The following MTFR1 variants were observed in gnomAD, a reference collection of about 807,000 sequenced individuals.
MTFR1 encodes mitochondrial fission regulator 1.
Under a neutral mutation model 38.8 loss-of-function variants are expected in MTFR1, and 28 were observed. That is an observed-to-expected ratio of 0.72 (90% CI 0.53 to 0.99). MTFR1 has a LOEUF of 0.99. Ranked by LOEUF, MTFR1 falls within the 50% of genes least tolerant of loss-of-function variation. The probability of loss-of-function intolerance (pLI) is 0.00; values close to 1 mark genes in which losing one functional copy is unlikely to be tolerated. For synonymous variants in MTFR1, 145 were observed against 137.0 expected, an observed-to-expected ratio of 1.06 and a Z score of -0.41; for missense variants, 358 against 395.5, an observed-to-expected ratio of 0.91 and a Z score of 0.81.
intron 2 of MTFR1, among the ~76,000 whole-genome samples, chr8:65,716,726 T>TTA: frequency 6.6e-6 from 1 of 152,298 alleles, no homozygotes; most frequent in East Asian, 1.9e-4. Flanking sequence ...GTGAGCTTGG[T>TTA]TAATGTGGGT....
At chr8:65,764,109 G>A (rs967383350) in intron 3 of MTFR1, among the ~76,000 whole-genome samples, 1 of 152,156 alleles carries the variant, frequency 6.6e-6, no homozygotes, top group African/African-American at 2.4e-5. Flanking sequence ...GTACAGCAGT[G>A]CTAATCTCTA....
At chr8:65,719,063 T>G (rs1806264851) in intron 2 of MTFR1, 2 of 560,748 alleles carry the variant, frequency 3.6e-6, no homozygotes, top group Non-Finnish European at 6.4e-6. Context: ...CTTTGCATAT[T>G]CAAGGTTTCA....
intron 2 of MTFR1, among the ~76,000 whole-genome samples, chr8:65,681,412 AC>A (rs1409366948): frequency 1.3e-5 from 2 of 152,302 alleles, no homozygotes; most frequent in East Asian, 3.9e-4. Context: ...GAGCCGCCGC[AC>A]CTGGCCTTAC....
chr8:65,685,126 A>T (rs888944195), intron 3 of MTFR1, among the ~76,000 whole-genome samples: 2 of 152,248 alleles, frequency 1.3e-5, no homozygotes, highest in Non-Finnish European at 2.9e-5. Context: ...AAATGTATAC[A>T]GGAGGCAGTT....
chr8:65,655,951 A>AAAAAT (rs1554545336), intron 1 of MTFR1, among the ~76,000 whole-genome samples: 1 of 55,404 alleles, frequency 1.8e-5, no homozygotes, highest in African/African-American at 1.4e-4. Flanking sequence ...TAAAAAAAAA[A>AAAAAT]ATATATATAT....
At chr8:65,667,169 G>GGGAAGCTGAGGCA (rs1372801104) in intron 1 of MTFR1, among the ~76,000 whole-genome samples, 1 of 151,862 alleles carries the variant, frequency 6.6e-6, no homozygotes, top group African/African-American at 2.4e-5. Context: ...CCAGCCACTT[G>GGGAAGCTGAGGCA]GGAAGCTGAG....
At chr8:65,774,597 A>C (rs1809204209), downstream of MTFR1, among the ~76,000 whole-genome samples, 2 of 151,858 alleles carry the variant, frequency 1.3e-5, no homozygotes, top group East Asian at 3.9e-4. Context: ...TTACCACAGA[A>C]ATTAAGTATT....
chr8:65,711,371 A>ACTT (rs1207788771), downstream of MTFR1, among the ~76,000 whole-genome samples: 4 of 152,140 alleles, frequency 2.6e-5, no homozygotes, highest in Admixed American at 6.5e-5. Flanking sequence ...AGAAACAAAT[A>ACTT]CTTTGAAAAA....
In MTFR1 at chr8:65,701,398, C is replaced by T. The variant is rs1805609358; in HGVS notation, c.282-3296C>T. Among the ~76,000 whole-genome samples the T allele has an allele frequency of 2.0e-5, 3 of 152,138 alleles. No homozygotes were observed. The South Asian group carries it at 6.2e-4, about 31-fold the overall frequency. ...TGACATCATAGACATTGTCATCAAG[C>T]GTTTGATTGGTTCCAAAGTAGAAGA... On this transcript the variant is annotated intron_variant, in intron 4 of 7. Transcript: ENST00000262146.
intron 2 of MTFR1, among the ~76,000 whole-genome samples, chr8:65,670,398 A>C (rs1804535290): frequency 6.6e-6 from 1 of 152,222 alleles, no homozygotes; most frequent in Admixed American, 6.5e-5. Flanking sequence ...TAAACAACAC[A>C]GTTGTTTAAA....
At chr8:65,665,714 C>A (rs778230122) in intron 1 of MTFR1, among the ~76,000 whole-genome samples, 7 of 152,180 alleles carry the variant, frequency 4.6e-5, no homozygotes, top group Non-Finnish European at 1.0e-4. Flanking sequence ...ACTCTTAACT[C>A]CTGAGCTCAA....
chr8:65,723,617 A>C, intron 3 of MTFR1: 1 of 1,553,600 alleles, frequency 6.4e-7, no homozygotes, highest in Non-Finnish European at 8.7e-7. Context: ...TTTTTTCTAT[A>C]TCTCCTATAA....
the MTFR1 span, among the ~76,000 whole-genome samples, chr8:65,777,515 T>G: frequency 6.6e-6 from 1 of 152,242 alleles, no homozygotes; most frequent in Non-Finnish European, 1.5e-5. Context: ...GATAATATGT[T>G]ATTTAGGATG....
intron 3 of MTFR1, among the ~76,000 whole-genome samples, chr8:65,685,832 G>A (rs1433401153): frequency 2.6e-5 from 4 of 152,196 alleles, no homozygotes. Context: ...GAGAAGATCA[G>A]GAGTTCTCAG....
chr8:65,740,612 G>C (rs891479901), intron 3 of MTFR1, among the ~76,000 whole-genome samples: 3 of 152,094 alleles, frequency 2.0e-5, no homozygotes, highest in African/African-American at 7.2e-5. Flanking sequence ...TTGTTGGCCA[G>C]GCTGGTCTCG....
At chr8:65,645,458 T>C (rs1262143403) in intron 1 of MTFR1, among the ~76,000 whole-genome samples, 1 of 152,220 alleles carries the variant, frequency 6.6e-6, no homozygotes, top group Admixed American at 6.5e-5. Context: ...ACGAAGGATA[T>C]AAGGAATTCA....
At chr8:65,724,952 T>C (rs750511174) in intron 3 of MTFR1, 12 of 1,478,648 alleles carry the variant, frequency 8.1e-6, no homozygotes, top group Non-Finnish European at 1.1e-5. Context: ...AGAGAAAATA[T>C]AAGACTTTCA....
intron 1 of MTFR1, among the ~76,000 whole-genome samples, chr8:65,652,053 T>G (rs993598337): frequency 6.6e-6 from 1 of 151,998 alleles, no homozygotes; most frequent in Non-Finnish European, 1.5e-5. Context: ...GAGGCCCTCC[T>G]GCCTCAGCCT....
At chr8:65,701,028 C>G (rs1301289227) in intron 4 of MTFR1, among the ~76,000 whole-genome samples, 1 of 152,172 alleles carries the variant, frequency 6.6e-6, no homozygotes, top group African/African-American at 2.4e-5. Context: ...AGAGGAATGC[C>G]TACGTGACTA....
Sources: gnomAD v4.1 joint callset for allele counts (sites outside exome capture counted in the v4.1 genomes callset) on GRCh38, gnomAD v4.1.1 for gene constraint, MANE v1.5 for transcripts, NCBI Gene and HGNC (gene_info 2026-07-23, HGNC 2026-07-21) for gene names.